Variants in GNG8 observed in about 807,000 individuals in gnomAD.
GNG8 encodes guanine nucleotide-binding protein G(I)/G(S)/G(O) subunit gamma-8.
GNG8 carries 3 observed loss-of-function variants against 4.6 expected under a neutral mutation model. The observed-to-expected ratio is 0.65, with a 90% CI of 0.29 to 1.67. GNG8 has a LOEUF of 1.67. GNG8 is among the 40% of genes most tolerant of loss of function. The pLI is 0.10. For missense variants in GNG8, 88 were observed against 95.2 expected (o/e 0.92, Z 0.32); for synonymous variants, 32 against 40.5 (o/e 0.79, Z 0.80).
Position 46,633,990 on chromosome 19 carries a change from G to T in GNG8, c.*86C>A. 2 of 1,480,834 alleles carry T rather than the reference G, an allele frequency of 1.4e-6. No homozygotes were observed. Among genetic ancestry groups the T allele is most frequent in the South Asian group, 1.3e-5 (1 of 77,116 alleles). The allele number at this position is 1,480,834 out of a possible 1,614,324, so 91.7% of individuals were successfully genotyped here. On this transcript the variant is annotated 3_prime_UTR_variant, in exon 3 of 3. Coordinates refer to ENST00000693335, the MANE Select transcript of GNG8 (RefSeq NM_033258.2). Reference sequence around the variant, plus strand: ...GGCCCCAAGCTCTGTGCGTGCCTCAGTCTCCCTGAAAGCACAGGCACCACC... The same window carrying T: ...GGCCCCAAGCTCTGTGCGTGCCTCATTCTCCCTGAAAGCACAGGCACCACC...
intron 2 of GNG8, among the ~76,000 whole-genome samples, 159 bp from the exon 3 acceptor site, chr19:46,634,363 T>C (rs1599779711): frequency 2.6e-5 from 1 of 37,790 alleles, no homozygotes; most frequent in South Asian, 8.5e-4. Flanking sequence ...GCCCCTCCCC[T>C]GTCCTACCCC....
At position 46,634,587 on chromosome 19, in the gene GNG8, C is replaced by G; in HGVS notation, c.84+12G>C. The G allele has an allele frequency of 6.2e-7, 1 of 1,611,480 alleles. No homozygotes were observed. The highest frequency in any genetic ancestry group is 1.1e-5 in the South Asian group (1 of 90,960). On this transcript the variant is annotated intron_variant, in intron 2 of 2. Transcript: ENST00000693335. ...CAGAACCCCCGCCCTATTCCCCACC[C>G]CGACCCAGCACCTTCATGCGGTCGA...
chr19:46,636,081 C>T (rs1177081399), intron 1 of GNG8, among the ~76,000 whole-genome samples, 66 bp downstream of exon 1: 2 of 152,168 alleles, frequency 1.3e-5, no homozygotes, highest in South Asian at 2.1e-4. Context: ...CATTCCCAGG[C>T]GGAGAGACGG....
intron 2 of GNG8, 31 bp from the exon 3 acceptor site, chr19:46,634,235 C>G: frequency 6.3e-7 from 1 of 1,590,246 alleles, no homozygotes; most frequent in African/African-American, 1.3e-5. Context: ...ATGTCACCGC[C>G]CTGCCCGGCT....
rs2052845965 is a variant in GNG8 at position 46,634,127 on chromosome 19, G to A, written c.162C>T (p.Pro54=). The change falls in exon 3 of 3, where the codon CCC becomes CCT. Residue 54 remains proline, a synonymous_variant. Transcript: ENST00000693335. ...AKDDPLVTPV[P]AAENPFRDKR... ...TGTCGCGGAAGGGGTTCTCCGCGGC[G>A]GGTACTGGCGTCACCAGCGGGTCAT... 4.3e-6 allele frequency: 7 copies of A among 1,613,776 alleles called. No individual in the cohort carries two copies. The highest frequency in any genetic ancestry group is 5.9e-6 in the Non-Finnish European group (7 of 1,179,970).
chr19:46,639,231 A>AG (rs1178455505), upstream of GNG8: 5 of 151,582 alleles, frequency 3.3e-5, no homozygotes, highest in Admixed American at 6.6e-5. This position sits in a 1 kb window ranked among gnomAD's most constrained non-coding sequence, Gnocchi z 5.2. Flanking sequence ...ACCGAAGGGG[A>AG]GGGGTCCGGG....
At chr19:46,634,280 C>A in intron 2 of GNG8, 76 bp from the exon 3 acceptor site, 1 of 1,481,130 alleles carries the variant, frequency 6.8e-7, no homozygotes, top group East Asian at 2.4e-5. Context: ...CGCCTCTTGC[C>A]CTGTCCCCTC....
intron 1 of GNG8, among the ~76,000 whole-genome samples, 135 bp from the exon 2 acceptor site, chr19:46,634,860 G>T (rs2122391797): frequency 6.6e-6 from 1 of 152,090 alleles, no homozygotes; most frequent in South Asian, 2.1e-4. Context: ...AGATGAAGGG[G>T]ACAGGAACAA....
intron 2 of GNG8, 137 bp downstream of exon 2, chr19:46,634,462 C>T (rs1435618986): frequency 1.3e-6 from 1 of 777,584 alleles, no homozygotes; most frequent in Non-Finnish European, 2.0e-6. Context: ...CTGGCCCCTC[C>T]TCCTGCCCTG....
At chr19:46,637,041 C>T (rs1422738525), upstream of GNG8, 2 of 152,226 alleles carry the variant, frequency 1.3e-5, no homozygotes, top group East Asian at 1.9e-4. Flanking sequence ...ATCCACCCGC[C>T]TCGGCCTCCC....
chr19:46,635,442 G>A (rs1259975619), intron 1 of GNG8, among the ~76,000 whole-genome samples: 1 of 136,422 alleles, frequency 7.3e-6, no homozygotes, highest in Non-Finnish European at 1.6e-5. Flanking sequence ...AGGGACAAAT[G>A]AAGGGGGGAG....
intron 1 of GNG8, among the ~76,000 whole-genome samples, chr19:46,634,933 G>C: frequency 6.6e-6 from 1 of 151,980 alleles, no homozygotes; most frequent in East Asian, 1.9e-4. Context: ...GAGCAGGGAG[G>C]GGCGAGGGAG....
chr19:46,637,942 G>A (rs1459956000), upstream of GNG8: 2 of 152,278 alleles, frequency 1.3e-5, no homozygotes, highest in East Asian at 1.9e-4. Flanking sequence ...AACACAGACT[G>A]ACACTCACTG....
intron 2 of GNG8, 49 bp from the exon 3 acceptor site, chr19:46,634,253 G>A (rs781747344): frequency 1.3e-6 from 2 of 1,560,728 alleles, no homozygotes; most frequent in Non-Finnish European, 8.7e-7. Context: ...GCTCCTTGGA[G>A]CCGCCCACTT....
chr19:46,635,059 C>T (rs2052856415), intron 1 of GNG8, among the ~76,000 whole-genome samples: 1 of 152,050 alleles, frequency 6.6e-6, no homozygotes, highest in Non-Finnish European at 1.5e-5. Context: ...AGGGGGGCCC[C>T]TCCCCCAGGC....
chr19:46,635,030 G>C (rs1431591412), intron 1 of GNG8, among the ~76,000 whole-genome samples: 1 of 152,066 alleles, frequency 6.6e-6, no homozygotes, highest in Non-Finnish European at 1.5e-5. Context: ...TCACCCCCGG[G>C]GGCAGAGCGA....
chr19:46,634,565 A>G (rs1195624280), intron 2 of GNG8, 34 bp downstream of exon 2: 1 of 1,579,630 alleles, frequency 6.3e-7, no homozygotes. Context: ...GCAGGCCCAG[A>G]ACCCCCGCCC....
chr19:46,634,328 T>A lies in GNG8; in HGVS notation c.85-124A>T, dbSNP rs1304771150. The A allele has an allele frequency of 2.7e-6, 3 of 1,129,678 alleles. No individual in the cohort carries two copies. The African/African-American group carries it at 5.3e-5, about 20-fold the overall frequency. The allele number at this position is 1,129,678 out of a possible 1,614,324, so 70.0% of individuals were successfully genotyped here. ...CCCGCCCCATACAGGCCTTTCCCCTTGTCTTACTCCGCCCCCTCGTCCTGG... is the reference window on the plus strand; with the variant it reads ...CCCGCCCCATACAGGCCTTTCCCCTAGTCTTACTCCGCCCCCTCGTCCTGG... On this transcript the variant is annotated intron_variant, in intron 2 of 2. Transcript: ENST00000693335.
At chr19:46,635,182 G>GCC (rs200857560) in intron 1 of GNG8, among the ~76,000 whole-genome samples, 1 of 151,802 alleles carries the variant, frequency 6.6e-6, no homozygotes, top group African/African-American at 2.4e-5. Flanking sequence ...CCCTCAGGGA[G>GCC]CCCCCCCACC....
Sources: gnomAD v4.1 joint callset for allele counts (sites outside exome capture counted in the v4.1 genomes callset) on GRCh38, gnomAD v4.1.1 for gene constraint, Gnocchi (gnomAD v3.1) non-coding constraint, MANE v1.5 for transcripts, NCBI Gene and HGNC (gene_info 2026-07-23, HGNC 2026-07-21) for gene names.